ZNF385D: variants seen among roughly 807,000 people sequenced by gnomAD.
ZNF385D encodes zinc finger protein 385D.
In ZNF385D, 15 loss-of-function variants were observed where a neutral mutation model predicts 35.8. The observed-to-expected ratio is 0.42, with a 90% CI of 0.28 to 0.64. ZNF385D has a LOEUF of 0.64. Ranked by LOEUF, ZNF385D falls within the 30% of genes least tolerant of loss-of-function variation. The pLI, the probability that ZNF385D is intolerant of heterozygous loss-of-function variation, is 0.23. For synonymous variants in ZNF385D, 212 were observed against 186.8 expected, an observed-to-expected ratio of 1.13 and a Z score of -1.10; for missense variants, 474 against 494.6, an observed-to-expected ratio of 0.96 and a Z score of 0.39.
chr3:21,846,104 G>A (rs1161082227), intron 3 of ZNF385D, among the ~76,000 whole-genome samples: 1 of 151,938 alleles, frequency 6.6e-6, no homozygotes, highest in African/African-American at 2.4e-5. Context: ...ACAGGAGTTG[G>A]AAAAATAATT....
intron 2 of ZNF385D, among the ~76,000 whole-genome samples, chr3:21,631,518 C>T (rs973441157): frequency 1.8e-4 from 27 of 152,072 alleles, no homozygotes; most frequent in African/African-American, 6.0e-4. Flanking sequence ...TCAAGAAGAT[C>T]ACCATAGATA....
At chr3:22,305,728 A>G (rs1158986593) in intron 2 of ZNF385D, among the ~76,000 whole-genome samples, 1 of 152,172 alleles carries the variant, frequency 6.6e-6, no homozygotes, top group African/African-American at 2.4e-5. Flanking sequence ...CCTAGGAAGT[A>G]TATTTCTACC....
At chr3:22,030,573 C>T (rs367728836) in intron 3 of ZNF385D, among the ~76,000 whole-genome samples, 1 of 151,706 alleles carries the variant, frequency 6.6e-6, no homozygotes, top group Non-Finnish European at 1.5e-5. Flanking sequence ...ATCATGAGAA[C>T]AGCATGGAGG....
chr3:22,096,484 T>C (rs1222287770), intron 3 of ZNF385D, among the ~76,000 whole-genome samples: 1 of 152,032 alleles, frequency 6.6e-6, no homozygotes, highest in Non-Finnish European at 1.5e-5. Flanking sequence ...TATAGAGACA[T>C]ATAACTCTAA....
intron 2 of ZNF385D, among the ~76,000 whole-genome samples, chr3:21,606,249 C>A (rs893574330): frequency 2.0e-4 from 31 of 152,320 alleles, no homozygotes; most frequent in Non-Finnish European, 4.6e-4. Flanking sequence ...GTACCTCTCA[C>A]CCTTCTGCCT....
chr3:22,312,072 C>T (rs554386365), intron 2 of ZNF385D, among the ~76,000 whole-genome samples: 1 of 152,240 alleles, frequency 6.6e-6, no homozygotes, highest in South Asian at 2.1e-4. Flanking sequence ...ACACTACCTA[C>T]TCACTTTCTA....
At chr3:22,119,352 C>T (rs1702969074) in intron 3 of ZNF385D, among the ~76,000 whole-genome samples, 3 of 152,116 alleles carry the variant, frequency 2.0e-5, no homozygotes, top group Admixed American at 1.3e-4. Context: ...ATCATATCTT[C>T]TTGTCATATA....
intron 3 of ZNF385D, among the ~76,000 whole-genome samples, chr3:22,147,838 G>T (rs968392065): frequency 1.3e-5 from 2 of 152,088 alleles, no homozygotes; most frequent in African/African-American, 4.8e-5. Context: ...TTTTGCTGCA[G>T]AAACTAGGAA....
At chr3:22,298,929 T>A (rs1241559102) in intron 2 of ZNF385D, among the ~76,000 whole-genome samples, 1 of 151,962 alleles carries the variant, frequency 6.6e-6, no homozygotes, top group African/African-American at 2.4e-5. Context: ...TAAAAAAGAA[T>A]TGCAACATTA....
At chr3:22,036,648 C>T (rs952840954) in intron 3 of ZNF385D, among the ~76,000 whole-genome samples, 2 of 150,664 alleles carry the variant, frequency 1.3e-5, no homozygotes, top group African/African-American at 2.4e-5. Context: ...GCAAAGAGCA[C>T]CTTCTACCAT....
At chr3:21,932,431 G>A (rs665799) in intron 3 of ZNF385D, among the ~76,000 whole-genome samples, 124,207 of 151,802 alleles carry the variant, frequency 0.82, 51,215 homozygotes, top group East Asian at 0.98. Flanking sequence ...TTAATTTTAA[G>A]TGATGCTCAA....
intron 3 of ZNF385D, among the ~76,000 whole-genome samples, chr3:21,778,823 G>A (rs2071388664): frequency 6.6e-6 from 1 of 151,810 alleles, no homozygotes; most frequent in African/African-American, 2.4e-5. Context: ...CAAACTCAAG[G>A]AAAAATATTG....
At chr3:21,631,188 G>A (rs956974054) in intron 2 of ZNF385D, among the ~76,000 whole-genome samples, 3 of 151,990 alleles carry the variant, frequency 2.0e-5, no homozygotes, top group Non-Finnish European at 4.4e-5. Context: ...CCTTTTCCAC[G>A]CTGCACTTCA....
intron 2 of ZNF385D, among the ~76,000 whole-genome samples, chr3:21,567,922 C>G (rs2063205869): frequency 6.6e-6 from 1 of 151,962 alleles, no homozygotes; most frequent in Non-Finnish European, 1.5e-5. Flanking sequence ...TCACTTCGTG[C>G]AAATGTAATA....
At position 22,312,190 on chromosome 3, in the gene ZNF385D, C is replaced by A. The variant is rs116379733; in HGVS notation, c.106+60260G>T. On this transcript the variant is annotated intron_variant, in intron 2 of 5. Transcript: ENST00000494108. ...TATTATGATACTCGTTTGGCTTGTGCCGATACTGTTCTGATAATCATCTTC... is the reference window on the plus strand; with the variant it reads ...TATTATGATACTCGTTTGGCTTGTGACGATACTGTTCTGATAATCATCTTC... Among the ~76,000 whole-genome samples, 610 of 152,224 alleles carry A rather than the reference C, an allele frequency of 4.0e-3. 4 individuals carry two copies. Among genetic ancestry groups the A allele is most frequent in the African/African-American group, 0.014 (569 of 41,552 alleles).
chr3:22,214,762 G>C (rs899791126), intron 2 of ZNF385D, among the ~76,000 whole-genome samples: 1 of 152,020 alleles, frequency 6.6e-6, no homozygotes, highest in African/African-American at 2.4e-5. Flanking sequence ...CCTGTCTCCT[G>C]ATAAGATGTT....
At chr3:21,988,568 T>A (rs1694952868) in intron 3 of ZNF385D, among the ~76,000 whole-genome samples, 1 of 150,162 alleles carries the variant, frequency 6.7e-6, no homozygotes, top group Admixed American at 6.6e-5. Context: ...ACTGCTCTGT[T>A]CAGAGCTGTC....
chr3:22,013,930 C>T (rs540913418), intron 3 of ZNF385D, among the ~76,000 whole-genome samples: 2 of 152,030 alleles, frequency 1.3e-5, no homozygotes, highest in South Asian at 2.1e-4. Flanking sequence ...TGAGTTAAGA[C>T]CCTTCATCAA....
intron 1 of ZNF385D, among the ~76,000 whole-genome samples, chr3:21,740,135 A>C (rs1484728102): frequency 6.6e-6 from 1 of 152,176 alleles, no homozygotes; most frequent in African/African-American, 2.4e-5. Context: ...GCAACATGGA[A>C]TCATTTGTCA....
Sources: gnomAD v4.1 joint callset for allele counts (sites outside exome capture counted in the v4.1 genomes callset) on GRCh38, gnomAD v4.1.1 for gene constraint, MANE v1.5 for transcripts, NCBI Gene and HGNC (gene_info 2026-07-23, HGNC 2026-07-21) for gene names.